Variants in DSP observed in about 807,000 individuals in gnomAD.
The protein encoded by DSP is desmoplakin, also known as 250/210 kDa paraneoplastic pemphigus antigen.
A neutral mutation model predicts 290.6 loss-of-function variants in DSP; 114 were observed. That is an observed-to-expected ratio of 0.39 (90% CI 0.34 to 0.46). The LOEUF is 0.46. Ranked by LOEUF, DSP falls within the 20% of genes least tolerant of loss-of-function variation. The pLI is 0.99. For missense variants in DSP, 3,230 were observed against 3,495.8 expected, an observed-to-expected ratio of 0.92 and a Z score of 1.92; for synonymous variants, 1,311 against 1,316.4, an observed-to-expected ratio of 1.00 and a Z score of 0.09.
In DSP at chr6:7,584,996, CGAT is replaced by C. The variant is rs1759590820; in HGVS notation, c.7739_7741del (p.Asp2580del). ...GCAGCAGCATGGGCAGTGGTGTCAG[CGAT>C]GATGTTTTTAGCAGCTCCCGACATG... On this transcript the variant is annotated inframe_deletion, in exon 24 of 24. Transcript: ENST00000379802. The surrounding 1 kb of genome is among the most constrained non-coding windows in gnomAD (Gnocchi z 6.4). 1 of 1,614,128 alleles carries C rather than the reference CGAT, an allele frequency of 6.2e-7. No individual in the cohort carries two copies. Among genetic ancestry groups the C allele is most frequent in the African/African-American group, 1.3e-5 (1 of 75,006 alleles).
At position 7,582,982 on chromosome 6, in the gene DSP, A is replaced by G. The variant is rs1254085808; in HGVS notation, c.5720A>G (p.Lys1907Arg). 1 of 1,613,998 alleles carries G rather than the reference A, an allele frequency of 6.2e-7. No individual in the cohort carries two copies. Among genetic ancestry groups the G allele is most frequent in the Non-Finnish European group, 8.5e-7 (1 of 1,180,024 alleles). ...SEIERLQAEI[K>R]RIEERCRRKL... ...ATCGAAAGACTCCAAGCAGAGATCAAGAGAATTGAAGAGAGGTGCAGGCGT... is the reference window on the plus strand; with the variant it reads ...ATCGAAAGACTCCAAGCAGAGATCAGGAGAATTGAAGAGAGGTGCAGGCGT... The change falls in exon 24 of 24, where the codon AAG (lysine) becomes AGG (arginine). Residue 1907 changes from lysine (K) to arginine (R), a missense_variant. Coordinates refer to ENST00000379802, the MANE Select transcript of DSP (RefSeq NM_004415.4). This position sits in a 1 kb window ranked among gnomAD's most constrained non-coding sequence, Gnocchi z 4.2.
At chr6:7,563,874 G>A in intron 6 of DSP, 88 bp downstream of exon 6, 1 of 1,198,824 alleles carries the variant, frequency 8.3e-7, no homozygotes, top group Non-Finnish European at 1.2e-6. Context: ...TCCTGGCGGG[G>A]AGGCACCTGT....
chr6:7,566,649 C>T (rs971155509), intron 8 of DSP, among the ~76,000 whole-genome samples, 168 bp downstream of exon 8: 3 of 152,168 alleles, frequency 2.0e-5, no homozygotes, highest in Non-Finnish European at 4.4e-5. Flanking sequence ...CAGGAAAGGA[C>T]CAGACAATCA....
rs761529821 is a variant in DSP at position 7,582,375 on chromosome 6, G to T, written c.5380-267G>T. ...TTTCAAAGCATAATTATTGTTAAGA[G>T]TAAGACAGGTCTGCAACTTACAGTT... On this transcript the variant is annotated intron_variant, in intron 23 of 23. Transcript: ENST00000379802. The surrounding 1 kb of genome is among the most constrained non-coding windows in gnomAD (Gnocchi z 4.2). 6.6e-6 allele frequency among the ~76,000 whole-genome samples: 1 copy of T among 151,600 alleles called. No homozygotes were observed. Among genetic ancestry groups the T allele is most frequent in the Non-Finnish European group, 1.5e-5 (1 of 67,938 alleles).
intron 4 of DSP, among the ~76,000 whole-genome samples, chr6:7,562,150 A>G (rs1161639262): frequency 6.6e-6 from 1 of 152,230 alleles, no homozygotes; most frequent in Non-Finnish European, 1.5e-5. Flanking sequence ...GATTTTAAAA[A>G]GCCAATAATT....
chr6:7,560,369 C>A (rs537134120), intron 4 of DSP, among the ~76,000 whole-genome samples: 3 of 152,158 alleles, frequency 2.0e-5, no homozygotes, highest in Non-Finnish European at 4.4e-5. Flanking sequence ...TTACCTTTTT[C>A]TCCCATTTAT....
rs191226040 is a variant in DSP, at chr6:7,584,477, C to G, written c.7215C>G (p.Leu2405=). ...GYFNEELSEI[L]SDPSDDTKGF... ...TCAATGAGGAACTCAGTGAGATTCT[C>G]TCAGATCCAAGTGATGATACCAAAG... The change falls in exon 24 of 24, where the codon CTC becomes CTG. Residue 2405 remains leucine (L), a synonymous_variant. Transcript: ENST00000379802. The surrounding 1 kb of genome is among the most constrained non-coding windows in gnomAD (Gnocchi z 6.4). The G allele has an allele frequency of 3.7e-6, 6 of 1,614,170 alleles. No individual in the cohort carries two copies. In the East Asian group the frequency reaches 1.3e-4, roughly 36 times the overall value.
rs397516941 is a variant in DSP, at chr6:7,580,761, C to T, written c.4571C>T (p.Thr1524Ile). The T allele has an allele frequency of 5.6e-6, 9 of 1,614,052 alleles. No individual in the cohort carries two copies. Among genetic ancestry groups the T allele is most frequent in the Non-Finnish European group, 8.5e-7 (1 of 1,180,018 alleles). Reference sequence around the variant, plus strand: ...AAAGCAAACAGTAGTGCGACGGAGACAATAAACAAACTGAAGGTTCAGGAG... The same window carrying T: ...AAAGCAAACAGTAGTGCGACGGAGATAATAAACAAACTGAAGGTTCAGGAG... Reference protein sequence around the residue: ...LQKANSSATETINKLKVQEQE... With the variant: ...LQKANSSATEIINKLKVQEQE... The change falls in exon 23 of 24, where the codon ACA becomes ATA. Residue 1524 changes from threonine (T) to isoleucine (I), a missense_variant. This residue lies in a region of DSP where 1,714 missense variants were observed against 1,844.5 expected (regional missense o/e 0.93). Coordinates refer to ENST00000379802, the MANE Select transcript of DSP (RefSeq NM_004415.4). The surrounding 1 kb of genome is among the most constrained non-coding windows in gnomAD (Gnocchi z 4.2).
intron 21 of DSP, among the ~76,000 whole-genome samples, chr6:7,578,221 A>G (rs1333877209): frequency 6.6e-6 from 1 of 152,264 alleles, no homozygotes; most frequent in African/African-American, 2.4e-5. Context: ...CTTCTCAAAG[A>G]TGTCAGAGAC....
chr6:7,583,957 C>T lies in DSP; in HGVS notation c.6695C>T (p.Thr2232Ile). 6.2e-7 allele frequency: 1 copy of T among 1,614,188 alleles called. No homozygotes were observed. The highest frequency in any genetic ancestry group is 2.2e-5 in the East Asian group (1 of 44,882). The change falls in exon 24 of 24, where the codon ACT (threonine) becomes ATT (isoleucine). Residue 2232 changes from threonine (T) to isoleucine (I), a missense_variant. This residue lies in a region of DSP where 207 missense variants were observed against 281.2 expected (regional missense o/e 0.74). Transcript: ENST00000379802. This position sits in a 1 kb window ranked among gnomAD's most constrained non-coding sequence, Gnocchi z 4.0. ...LVDSGILRPS[T>I]VNELESGQIS... is the part of the protein sequence containing the mutation. ...GATTCTGGTATATTGAGACCGTCCACTGTCAATGAACTGGAATCTGGTCAG... is the reference window on the plus strand; with the variant it reads ...GATTCTGGTATATTGAGACCGTCCATTGTCAATGAACTGGAATCTGGTCAG...
intron 15 of DSP, among the ~76,000 whole-genome samples, chr6:7,572,736 G>A (rs1759092863): frequency 6.6e-6 from 1 of 152,168 alleles, no homozygotes; most frequent in Non-Finnish European, 1.5e-5. Flanking sequence ...GAATGTAGTT[G>A]TGTTGCTTAA....
rs1758576144 is a variant in DSP at position 7,558,549 on chromosome 6, C to T, written c.422+285C>T. ...TTTTTTTTTGAGACAGGGTCTCGCT[C>T]TGTCACCCAGGCTGGAGTGCAGTGG... On this transcript the variant is annotated intron_variant, in intron 3 of 23. Transcript: ENST00000379802. Among the ~76,000 whole-genome samples the T allele has an allele frequency of 2.3e-5, 3 of 131,136 alleles. No homozygotes were observed. In the South Asian group the frequency reaches 7.3e-4, roughly 32 times the overall value. The allele number at this position is 131,136 out of a possible 152,430, so 86.0% of individuals were successfully genotyped here.
chr6:7,575,934 C>G (rs1392783664), intron 18 of DSP, among the ~76,000 whole-genome samples: 1 of 152,208 alleles, frequency 6.6e-6, no homozygotes, highest in Non-Finnish European at 1.5e-5. Context: ...TGGAATCATA[C>G]AATATGTAGT....
At chr6:7,563,654 G>A in intron 5 of DSP, 82 bp from the exon 6 acceptor site, 1 of 1,138,308 alleles carries the variant, frequency 8.8e-7, no homozygotes. Flanking sequence ...AGTATCTGAA[G>A]AAAAGGAGGC....
intron 1 of DSP, 62 bp downstream of exon 1, chr6:7,542,147 C>T (rs1758005848): frequency 2.0e-6 from 3 of 1,534,780 alleles, no homozygotes; most frequent in South Asian, 1.2e-5. Flanking sequence ...GACCGTCCTC[C>T]TCTGGACGAC....
Position 7,585,315 on chromosome 6 carries a change from G to T in DSP, c.8053G>T (p.Ala2685Ser), listed in dbSNP as rs760754021. The stretch of plus-strand genomic sequence containing the variant: ...CCAGGGTGTGATTGACCAAGACATG[G>T]CCACCAGGCTGAAGCCTGCTCAGAA... ...VSQGVIDQDM[A>S]TRLKPAQKAF... The change falls in exon 24 of 24, where the codon GCC becomes TCC. Residue 2685 changes from alanine to serine, a missense_variant. Physicochemically the swap from Ala to Ser is moderately conservative, Grantham distance 99. Coordinates refer to ENST00000379802, the MANE Select transcript of DSP (RefSeq NM_004415.4). 7 of 1,614,038 alleles carry T rather than the reference G, an allele frequency of 4.3e-6. No individual in the cohort carries two copies. The Admixed American group carries it at 1.2e-4, about 27-fold the overall frequency.
chr6:7,562,290 G>C lies in DSP; in HGVS notation c.598-362G>C, dbSNP rs187441390. Among the ~76,000 whole-genome samples, 172 of 151,904 alleles carry C rather than the reference G, an allele frequency of 1.1e-3. 1 individual carries two copies. The highest frequency in any genetic ancestry group is 4.0e-3 in the African/African-American group (164 of 41,402). On this transcript the variant is annotated intron_variant, in intron 4 of 23. Coordinates refer to ENST00000379802, the MANE Select transcript of DSP (RefSeq NM_004415.4). ...TATGCACATTTAAGAATGATTAAAT[G>C]AGTATTTTATAACATATCATACATA...
At position 7,585,635 on chromosome 6, in the gene DSP, C is replaced by T. The variant is rs1485430827; in HGVS notation, c.8373C>T (p.Arg2791=). 1 of 1,614,234 alleles carries T rather than the reference C, an allele frequency of 6.2e-7. No individual in the cohort carries two copies. Residue 2791 remains arginine, a synonymous_variant, in exon 24 of 24, where the codon CGC becomes CGT. Coordinates refer to ENST00000379802, the MANE Select transcript of DSP (RefSeq NM_004415.4). The stretch of plus-strand genomic sequence containing the variant: ...TATCCTATAAGGATGCCATAAATCG[C>T]TCCATGGTAGAAGATATCACTGGGC... ...LKISYKDAIN[R]SMVEDITGLR... is the part of the protein sequence containing the mutation.
Position 7,583,432 on chromosome 6 carries a change from G to C in DSP, c.6170G>C (p.Gly2057Ala). Reference protein sequence around the residue: ...MLLEAQAATGGIIDPHRNEKL... With the variant: ...MLLEAQAATGAIIDPHRNEKL... Reference sequence around the variant, plus strand: ...CTGGAGGCCCAGGCAGCTACAGGTGGTATAATTGATCCCCATCGGAATGAG... The same window carrying C: ...CTGGAGGCCCAGGCAGCTACAGGTGCTATAATTGATCCCCATCGGAATGAG... The change falls in exon 24 of 24, where the codon GGT becomes GCT. Residue 2057 changes from glycine (G) to alanine (A), a missense_variant. Coordinates refer to ENST00000379802, the MANE Select transcript of DSP (RefSeq NM_004415.4). This position sits in a 1 kb window ranked among gnomAD's most constrained non-coding sequence, Gnocchi z 4.0. 6.2e-7 allele frequency: 1 copy of C among 1,614,162 alleles called. No individual in the cohort carries two copies. The highest frequency in any genetic ancestry group is 8.5e-7 in the Non-Finnish European group (1 of 1,180,046).
Sources: gnomAD v4.1 joint callset for allele counts (sites outside exome capture counted in the v4.1 genomes callset) on GRCh38, gnomAD v4.1.1 for gene constraint, gnomAD v4.1.1 regional missense constraint, Gnocchi (gnomAD v3.1) non-coding constraint, MANE v1.5 for transcripts, NCBI Gene and HGNC (gene_info 2026-07-23, HGNC 2026-07-21) for gene names.